The following FTO variants were observed in gnomAD, a reference collection of about 807,000 sequenced individuals.
FTO encodes the protein alpha-ketoglutarate-dependent dioxygenase FTO.
FTO carries 47 observed loss-of-function variants against 63.9 expected under a neutral mutation model. The ratio of observed to expected loss-of-function variants is 0.74; its 90% CI spans 0.58 to 0.94. The LOEUF is 0.94. FTO is among the 40% of genes least tolerant of loss of function. FTO has a pLI of 0.00. For synonymous variants in FTO, 207 were observed against 224.4 expected (o/e 0.92, Z 0.69); for missense variants, 562 against 618.1 (o/e 0.91, Z 0.96).
chr16:53,886,516 T>C (rs968037348), intron 6 of FTO, among the ~76,000 whole-genome samples: 4 of 152,244 alleles, frequency 2.6e-5, no homozygotes, highest in African/African-American at 9.6e-5. Flanking sequence ...CACACTTGTA[T>C]TAATTCTTCT....
chr16:53,716,293 A>G (rs917955195), intron 1 of FTO, among the ~76,000 whole-genome samples: 5 of 152,176 alleles, frequency 3.3e-5, no homozygotes, highest in African/African-American at 1.2e-4. Context: ...ATATGTATAG[A>G]GTTTCCCAAG....
intron 4 of FTO, among the ~76,000 whole-genome samples, chr16:53,864,110 G>A (rs900330714): frequency 1.3e-5 from 2 of 152,130 alleles, no homozygotes; most frequent in Non-Finnish European, 2.9e-5. Context: ...TTTCAGCCAT[G>A]GGTGGCCCAC....
intron 8 of FTO, among the ~76,000 whole-genome samples, chr16:54,073,910 TC>T (rs1472154911): frequency 6.6e-6 from 1 of 152,152 alleles, no homozygotes; most frequent in African/African-American, 2.4e-5. Context: ...GATTTGTGTT[TC>T]TTCTATCAGC....
chr16:53,833,745 T>C (rs1169918563), intron 3 of FTO, among the ~76,000 whole-genome samples: 1 of 152,218 alleles, frequency 6.6e-6, no homozygotes, highest in East Asian at 1.9e-4. Flanking sequence ...ACACTTACTG[T>C]TTCCTGTTTT....
intron 1 of FTO, among the ~76,000 whole-genome samples, chr16:53,804,804 C>CG (rs2078319313): frequency 6.6e-6 from 1 of 151,838 alleles, no homozygotes; most frequent in South Asian, 2.1e-4. Context: ...TTGGTAGAGA[C>CG]GGGGTTCCCT....
intron 1 of FTO, among the ~76,000 whole-genome samples, chr16:53,764,487 A>AAAAAAG (rs1555630058): frequency 2.6e-5 from 4 of 151,578 alleles, no homozygotes; most frequent in East Asian, 1.9e-4. Flanking sequence ...AAAAAAAAAA[A>AAAAAAG]AAAAGAAAAG....
intron 4 of FTO, among the ~76,000 whole-genome samples, chr16:53,853,168 C>A (rs1008182461): frequency 1.3e-5 from 2 of 152,122 alleles, no homozygotes; most frequent in Non-Finnish European, 2.9e-5. Context: ...TGGCAGGCAC[C>A]CGTAGTCCTA....
At chr16:53,991,571 T>G (rs1785257796) in intron 8 of FTO, 1 of 152,204 alleles carries the variant, frequency 6.6e-6, no homozygotes, top group Non-Finnish European at 1.5e-5. Flanking sequence ...CACAATTTTT[T>G]ACCTAGAAAG....
intron 7 of FTO, among the ~76,000 whole-genome samples, chr16:53,932,289 A>G (rs1251024191): frequency 1.3e-5 from 2 of 152,126 alleles, no homozygotes; most frequent in Admixed American, 1.3e-4. Flanking sequence ...GGCTAGTGTC[A>G]GGTGGATTAT....
At chr16:53,739,598 G>C (rs901840144) in intron 1 of FTO, among the ~76,000 whole-genome samples, 1 of 152,116 alleles carries the variant, frequency 6.6e-6, no homozygotes, top group African/African-American at 2.4e-5. Flanking sequence ...AAAGAAAGAA[G>C]TGGTGTGGAT....
intron 7 of FTO, among the ~76,000 whole-genome samples, chr16:53,899,192 G>A (rs969827128): frequency 1.3e-5 from 2 of 151,354 alleles, no homozygotes; most frequent in Non-Finnish European, 2.9e-5. Flanking sequence ...AGAAGATTGA[G>A]CAATCACAGG....
chr16:53,704,333 T>C, intron 1 of FTO, 104 bp downstream of exon 1: 3 of 1,138,156 alleles, frequency 2.6e-6, no homozygotes, highest in Non-Finnish European at 3.9e-6. Flanking sequence ...GGTGTTAAAC[T>C]AAGGGATGAC....
chr16:53,791,495 C>T (rs983114719), intron 1 of FTO, among the ~76,000 whole-genome samples: 1 of 152,072 alleles, frequency 6.6e-6, no homozygotes, highest in South Asian at 2.1e-4. Flanking sequence ...CCTGGTCCTT[C>T]GTTATTATGT....
At chr16:53,760,260 G>T (rs200961431) in intron 1 of FTO, among the ~76,000 whole-genome samples, 104,696 of 140,616 alleles carry the variant, frequency 0.74, 39,518 homozygotes, top group African/African-American at 0.9. Flanking sequence ...GTGTGTGTGT[G>T]TTTTTTGGAG....
At chr16:54,050,575 C>G (rs545958746) in intron 8 of FTO, among the ~76,000 whole-genome samples, 20 of 152,182 alleles carry the variant, frequency 1.3e-4, no homozygotes, top group Middle Eastern at 6.8e-3. Flanking sequence ...CCTTGCTGCT[C>G]CAGTCCATAC....
chr16:53,930,612 C>A (rs976222030), intron 7 of FTO, among the ~76,000 whole-genome samples: 12 of 151,862 alleles, frequency 7.9e-5, no homozygotes, highest in Admixed American at 6.5e-4. Flanking sequence ...ATCATTTTTT[C>A]TTTTTTTACT....
chr16:53,815,615 T>C (rs1195149298), intron 2 of FTO, among the ~76,000 whole-genome samples: 3 of 146,690 alleles, frequency 2.0e-5, no homozygotes, highest in African/African-American at 7.7e-5. Context: ...ATATCCACCC[T>C]ATAAGGCCAT....
chr16:53,765,782 G>A (rs1250372206), intron 1 of FTO, among the ~76,000 whole-genome samples: 3 of 152,100 alleles, frequency 2.0e-5, no homozygotes, highest in Admixed American at 2.0e-4. Flanking sequence ...AGAAGGAACA[G>A]AGGTGGTCAG....
chr16:53,987,023 T>C (rs1194981743), intron 8 of FTO, among the ~76,000 whole-genome samples: 4 of 152,186 alleles, frequency 2.6e-5, no homozygotes, highest in African/African-American at 9.7e-5. Context: ...TACATGCATG[T>C]AATACCACGC....
Sources: gnomAD v4.1 joint callset for allele counts (sites outside exome capture counted in the v4.1 genomes callset) on GRCh38, gnomAD v4.1.1 for gene constraint, MANE v1.5 for transcripts, NCBI Gene and HGNC (gene_info 2026-07-23, HGNC 2026-07-21) for gene names.